RAPGEF5: variants seen among roughly 807,000 people sequenced by gnomAD.
The protein encoded by RAPGEF5 is Rap guanine nucleotide exchange factor 5, also known as M-Ras-regulated GEF.
Under a neutral mutation model 125.2 loss-of-function variants are expected in RAPGEF5, and 65 were observed. That is an observed-to-expected ratio of 0.52 (90% CI 0.43 to 0.64). The LOEUF (loss-of-function observed/expected upper bound fraction) is 0.64, where lower values mean the gene tolerates loss of function less well. RAPGEF5 is among the 30% of genes least tolerant of loss of function. RAPGEF5 has a pLI of 0.00. For missense variants in RAPGEF5, 958 were observed against 1,048.1 expected, an observed-to-expected ratio of 0.91 and a Z score of 1.19; for synonymous variants, 391 against 385.9, an observed-to-expected ratio of 1.01 and a Z score of -0.16.
intron 1 of RAPGEF5, among the ~76,000 whole-genome samples, chr7:22,331,513 A>G (rs978891024): frequency 4.6e-5 from 7 of 152,122 alleles, no homozygotes; most frequent in African/African-American, 1.4e-4. Flanking sequence ...TGGGAGGCCG[A>G]GGCGGGCGGA....
intron 3 of RAPGEF5, among the ~76,000 whole-genome samples, chr7:22,311,066 C>T (rs187148618): frequency 1.1e-3 from 169 of 152,272 alleles, no homozygotes; most frequent in Non-Finnish European, 4.6e-4. Context: ...TACTCTATCA[C>T]CCAGGGTGGA....
intron 11 of RAPGEF5, among the ~76,000 whole-genome samples, chr7:22,178,028 ATT>A (rs1467212325): frequency 6.6e-6 from 1 of 151,984 alleles, no homozygotes; most frequent in Non-Finnish European, 1.5e-5. Flanking sequence ...CTCAAATTTT[ATT>A]TTGTTTTTTA....
At chr7:22,310,973 T>C (rs528847298) in intron 3 of RAPGEF5, among the ~76,000 whole-genome samples, 1 of 152,302 alleles carries the variant, frequency 6.6e-6, no homozygotes, top group Admixed American at 6.5e-5. Flanking sequence ...TGAAGTGTTT[T>C]GTCATTTGCA....
At chr7:22,144,037 C>T (rs965611857) in intron 20 of RAPGEF5, among the ~76,000 whole-genome samples, 2 of 152,180 alleles carry the variant, frequency 1.3e-5, no homozygotes, top group Non-Finnish European at 2.9e-5. Context: ...AAACTGGAAG[C>T]GCAGGAAGTA....
intron 7 of RAPGEF5, among the ~76,000 whole-genome samples, chr7:22,266,724 T>C (rs1782291079): frequency 6.6e-6 from 1 of 152,208 alleles, no homozygotes; most frequent in East Asian, 1.9e-4. Flanking sequence ...TAAATTTCAT[T>C]TTTTCTTGAA....
chr7:22,199,396 C>T (rs189494609), intron 9 of RAPGEF5, among the ~76,000 whole-genome samples: 3 of 152,102 alleles, frequency 2.0e-5, no homozygotes, highest in Non-Finnish European at 4.4e-5. Context: ...CAGAGACATG[C>T]AGGTTAAGGC....
In RAPGEF5 at chr7:22,261,141, C is replaced by T. The variant is rs543302797; in HGVS notation, c.796+5823G>A. Among the ~76,000 whole-genome samples the T allele has an allele frequency of 3.3e-5, 5 of 152,098 alleles. No individual in the cohort carries two copies. In the South Asian group the frequency reaches 1.0e-3, roughly 32 times the overall value. On this transcript the variant is annotated intron_variant, in intron 7 of 25. Coordinates refer to ENST00000665637, the MANE Select transcript of RAPGEF5 (RefSeq NM_012294.5). ...TTAACGCTGTCCACAGCTAGCTATTCCACATTTAGTAATTTATTATGAGGA... is the reference window on the plus strand; with the variant it reads ...TTAACGCTGTCCACAGCTAGCTATTTCACATTTAGTAATTTATTATGAGGA...
rs1329290651 is a variant in RAPGEF5, at chr7:22,145,044, T to C, written c.2186A>G (p.His729Arg). 2 of 1,612,596 alleles carry C rather than the reference T, an allele frequency of 1.2e-6. No individual in the cohort carries two copies. Among genetic ancestry groups the C allele is most frequent in the Non-Finnish European group, 1.7e-6 (2 of 1,179,120 alleles). Residue 729 changes from histidine (H) to arginine (R), a missense_variant and splice_region_variant, in exon 20 of 26, where the codon CAC becomes CGC. Transcript: ENST00000665637. ...LVKKFIKIAA[H>R]CKAQRNLNSF... is the part of the protein sequence containing the mutation. ...GGCACTTCTCACACTAGAAACTTAC[T>C]GAGCCGCAATTTTGATGAATTTTTT...
intron 9 of RAPGEF5, among the ~76,000 whole-genome samples, 179 bp downstream of exon 9, chr7:22,219,687 G>T (rs12534735): frequency 1.3e-5 from 2 of 151,768 alleles, no homozygotes; most frequent in Admixed American, 1.3e-4. Context: ...TGTGTCATAA[G>T]CCACTTGCTT....
At chr7:22,345,403 C>T (rs985580213) in intron 1 of RAPGEF5, among the ~76,000 whole-genome samples, 2 of 152,192 alleles carry the variant, frequency 1.3e-5, no homozygotes, top group African/African-American at 4.8e-5. Context: ...GCAATGACAA[C>T]AGCAGCAGCT....
chr7:22,283,111 G>A (rs1782713615), intron 6 of RAPGEF5, among the ~76,000 whole-genome samples: 1 of 151,190 alleles, frequency 6.6e-6, no homozygotes, highest in Non-Finnish European at 1.5e-5. Flanking sequence ...ATTTATTTCT[G>A]GGTCATTTCA....
chr7:22,238,522 T>C (rs976490272), intron 7 of RAPGEF5, among the ~76,000 whole-genome samples: 1 of 152,204 alleles, frequency 6.6e-6, no homozygotes, highest in African/African-American at 2.4e-5. Context: ...CCAACTAGTC[T>C]ATAGGCTGGT....
intron 11 of RAPGEF5, among the ~76,000 whole-genome samples, chr7:22,169,673 TG>T (rs1447131484): frequency 6.9e-6 from 1 of 144,836 alleles, no homozygotes; most frequent in African/African-American, 2.6e-5. Flanking sequence ...TGGCCAACAT[TG>T]CGAAACTCCA....
chr7:22,317,942 C>A, intron 2 of RAPGEF5, 45 bp downstream of exon 2: 1 of 1,544,158 alleles, frequency 6.5e-7, no homozygotes, highest in South Asian at 1.2e-5. Context: ...CAGAATTTGT[C>A]AATCACTATT....
chr7:22,129,849 GGGGTTGTATAA>G (rs987924712), intron 24 of RAPGEF5, among the ~76,000 whole-genome samples: 8 of 152,288 alleles, frequency 5.3e-5, no homozygotes, highest in African/African-American at 1.7e-4. Context: ...TTGGGTTTTG[GGGGTTGTATAA>G]GGGTTGTATA....
rs1431274115 is a variant in RAPGEF5, at chr7:22,318,044, T to TA, written c.232-8dup. ...ATATTCTTCTTGATAGAGTCTATTT[T>TA]AAACAAAGAAAAAAAAAATAGTTAG... On this transcript the variant is annotated splice_region_variant and splice_polypyrimidine_tract_variant and intron_variant, in intron 1 of 25. Transcript: ENST00000665637. 6.6e-7 allele frequency: 1 copy of TA among 1,514,210 alleles called. No homozygotes were observed. The allele number at this position is 1,514,210 out of a possible 1,614,324, so 93.8% of individuals were successfully genotyped here. A position where few individuals can be genotyped will look rare whatever the true frequency, so the allele number is the denominator to read the frequency against.
intron 9 of RAPGEF5, among the ~76,000 whole-genome samples, chr7:22,205,441 A>T (rs13236178): frequency 0.096 from 14,540 of 152,236 alleles, 948 homozygotes; most frequent in East Asian, 0.36. Flanking sequence ...CAAACCACCC[A>T]CAATTTCCTT....
At chr7:22,277,741 G>T (rs1307773539) in intron 6 of RAPGEF5, among the ~76,000 whole-genome samples, 1 of 152,150 alleles carries the variant, frequency 6.6e-6, no homozygotes, top group Admixed American at 6.5e-5. Flanking sequence ...CTCAGAGCCA[G>T]CAATGACATG....
At chr7:22,222,281 C>T (rs1785810924) in intron 8 of RAPGEF5, among the ~76,000 whole-genome samples, 2 of 152,074 alleles carry the variant, frequency 1.3e-5, no homozygotes, top group African/African-American at 4.8e-5. Context: ...CTGGAGCATA[C>T]ATTCATGATG....
Sources: allele counts gnomAD v4.1 joint callset (sites outside exome capture counted in the v4.1 genomes callset), GRCh38; gene constraint gnomAD v4.1.1; transcripts MANE v1.5; gene names NCBI Gene and HGNC (gene_info 2026-07-23, HGNC 2026-07-21).